Variants in RAB7A observed in about 807,000 individuals in gnomAD.
RAB7A encodes ras-related protein Rab-7a.
A neutral mutation model predicts 24.5 loss-of-function variants in RAB7A; 2 were observed. That is an observed-to-expected ratio of 0.08 (90% CI 0.03 to 0.26). The LOEUF (loss-of-function observed/expected upper bound fraction) is 0.26. Ranked by LOEUF, RAB7A falls within the 10% of genes least tolerant of loss-of-function variation. The pLI, the probability that RAB7A is intolerant of heterozygous loss-of-function variation, is 1.00. For missense variants in RAB7A, 118 were observed against 255.7 expected (o/e 0.46, Z 3.67); for synonymous variants, 100 against 95.9 (o/e 1.04, Z -0.25).
chr3:128,734,096 A>G (rs994232092), intron 1 of RAB7A, among the ~76,000 whole-genome samples: 2 of 152,138 alleles, frequency 1.3e-5, no homozygotes, highest in East Asian at 3.9e-4. Flanking sequence ...TCAGTTTGAG[A>G]CTACCTCTTG....
intron 1 of RAB7A, among the ~76,000 whole-genome samples, chr3:128,779,201 G>A (rs1933160080): frequency 6.6e-6 from 1 of 152,082 alleles, no homozygotes; most frequent in Non-Finnish European, 1.5e-5. Context: ...ATTACCTGAG[G>A]TCGGGAGTTT....
chr3:128,791,742 GA>G (rs1300130358), intron 1 of RAB7A, among the ~76,000 whole-genome samples: 6 of 152,268 alleles, frequency 3.9e-5, no homozygotes, highest in Admixed American at 2.6e-4. Flanking sequence ...GGAGCCTAAG[GA>G]GCTGTCAAAA....
chr3:128,782,163 A>G (rs979432029), intron 1 of RAB7A, among the ~76,000 whole-genome samples: 1 of 152,180 alleles, frequency 6.6e-6, no homozygotes, highest in Non-Finnish European at 1.5e-5. Flanking sequence ...CTGGTTACCT[A>G]CAATAGGGAC....
At chr3:128,770,775 TTGTAATTAA>T (rs1225408079) in intron 1 of RAB7A, among the ~76,000 whole-genome samples, 1 of 152,100 alleles carries the variant, frequency 6.6e-6, no homozygotes, top group Non-Finnish European at 1.5e-5. Context: ...ACTTAATAAA[TTGTAATTAA>T]GAAGGCAAAT....
chr3:128,748,285 C>T (rs1392577705), intron 1 of RAB7A, among the ~76,000 whole-genome samples: 2 of 152,168 alleles, frequency 1.3e-5, no homozygotes, highest in Non-Finnish European at 2.9e-5. Context: ...ATATTGGTCT[C>T]ATTTTCAGGT....
intron 1 of RAB7A, among the ~76,000 whole-genome samples, chr3:128,771,222 C>T (rs182509167): frequency 1.7e-4 from 26 of 152,296 alleles, no homozygotes; most frequent in African/African-American, 6.3e-4. Context: ...CCGGCCGCCT[C>T]AGCCTCCCAA....
intron 1 of RAB7A, among the ~76,000 whole-genome samples, chr3:128,770,454 C>G (rs917152578): frequency 5.3e-5 from 8 of 152,164 alleles, no homozygotes; most frequent in Non-Finnish European, 1.0e-4. Flanking sequence ...AAATCCTTGC[C>G]TAACCCAAGA....
chr3:128,730,354 C>T (rs149578681), intron 1 of RAB7A, among the ~76,000 whole-genome samples: 2,450 of 152,082 alleles, frequency 0.016, 30 homozygotes, highest in Middle Eastern at 0.068. Flanking sequence ...CTCAGCCTCC[C>T]GAGTAGCTGG....
At chr3:128,800,416 C>G (rs924815192) in intron 3 of RAB7A, among the ~76,000 whole-genome samples, 1 of 152,098 alleles carries the variant, frequency 6.6e-6, no homozygotes, top group Non-Finnish European at 1.5e-5. Flanking sequence ...AGAGTTCGGC[C>G]CCTGCTGGGT....
At chr3:128,770,050 T>A (rs1473281418) in intron 1 of RAB7A, among the ~76,000 whole-genome samples, 2 of 151,770 alleles carry the variant, frequency 1.3e-5, no homozygotes, top group East Asian at 3.9e-4. Flanking sequence ...TCACCCAGGC[T>A]GGAGTGCAGT....
chr3:128,765,129 G>A, intron 1 of RAB7A: 1 of 717,358 alleles, frequency 1.4e-6, no homozygotes, highest in Admixed American at 2.0e-5. Context: ...CTGGCTACGG[G>A]CGGCCGGCCG....
At chr3:128,737,187 G>A (rs552795874) in intron 1 of RAB7A, among the ~76,000 whole-genome samples, 9 of 151,630 alleles carry the variant, frequency 5.9e-5, no homozygotes, top group East Asian at 1.9e-4. Flanking sequence ...ACAGGCGCCC[G>A]CCACCACACA....
intron 5 of RAB7A, among the ~76,000 whole-genome samples, chr3:128,808,641 C>G (rs879909670): frequency 6.6e-6 from 1 of 152,166 alleles, no homozygotes; most frequent in Non-Finnish European, 1.5e-5. Context: ...AGTTGAAAGT[C>G]TGTTTTGATG....
intron 3 of RAB7A, chr3:128,798,821 TAAAAAAAAAAAAAA>T (rs56925997): frequency 1.4e-5 from 2 of 147,110 alleles, no homozygotes; most frequent in African/African-American, 3.7e-5. Context: ...TCTCTAAATT[TAAAAAAAAAAAAAA>T]AAAAAAAAAA....
chr3:128,761,258 C>G (rs1216250833), intron 1 of RAB7A, among the ~76,000 whole-genome samples: 1 of 152,162 alleles, frequency 6.6e-6, no homozygotes, highest in Non-Finnish European at 1.5e-5. Flanking sequence ...GGTTAGATTC[C>G]TGATCACCTC....
chr3:128,810,017 C>T (rs1258036213), intron 5 of RAB7A, among the ~76,000 whole-genome samples: 4 of 132,642 alleles, frequency 3.0e-5, no homozygotes, highest in Admixed American at 8.8e-5. Context: ...GGCGTGATCT[C>T]GGCTCACTGC....
chr3:128,729,005 T>G (rs1221110852), intron 1 of RAB7A, among the ~76,000 whole-genome samples: 1 of 152,208 alleles, frequency 6.6e-6, no homozygotes, highest in Non-Finnish European at 1.5e-5. Flanking sequence ...AAGGGAAGAT[T>G]TGGATTTTAC....
intron 3 of RAB7A, among the ~76,000 whole-genome samples, chr3:128,803,102 G>A (rs185172416): frequency 1.3e-5 from 2 of 152,284 alleles, no homozygotes; most frequent in Admixed American, 6.5e-5. Flanking sequence ...GAGCCACTGC[G>A]CTCAGCCAGT....
At chr3:128,755,670 C>T (rs4927915) in intron 1 of RAB7A, among the ~76,000 whole-genome samples, 6,592 of 152,216 alleles carry the variant, frequency 0.043, 228 homozygotes, top group African/African-American at 0.095. Context: ...CCACCTTGGA[C>T]GATGCCATCT....
Sources: allele counts gnomAD v4.1 joint callset (sites outside exome capture counted in the v4.1 genomes callset), GRCh38; gene constraint gnomAD v4.1.1; transcripts MANE v1.5; gene names NCBI Gene and HGNC (gene_info 2026-07-23, HGNC 2026-07-21).